CHSY1: variants seen among roughly 807,000 people sequenced by gnomAD.
The protein encoded by CHSY1 is N-acetylgalactosaminyl-proteoglycan 3-beta-glucuronosyltransferase 1.
CHSY1 carries 13 observed loss-of-function variants against 59.8 expected under a neutral mutation model. The ratio of observed to expected loss-of-function variants is 0.22; its 90% CI spans 0.14 to 0.35. CHSY1 has a LOEUF of 0.35. Among genes scored for constraint, CHSY1 ranks in the 10% least tolerant of loss-of-function variants. CHSY1 has a pLI of 1.00. For missense variants in CHSY1, 947 were observed against 1,030.6 expected, an observed-to-expected ratio of 0.92 and a Z score of 1.11; for synonymous variants, 459 against 401.2, an observed-to-expected ratio of 1.14 and a Z score of -1.72.
intron 2 of CHSY1, among the ~76,000 whole-genome samples, chr15:101,196,142 C>T (rs771281728): frequency 2.0e-4 from 30 of 148,642 alleles, no homozygotes; most frequent in African/African-American, 7.2e-4. Flanking sequence ...CCAGCTGAGG[C>T]GGAAGAATGA....
chr15:101,231,885 T>C (rs2038896204), intron 2 of CHSY1, among the ~76,000 whole-genome samples: 1 of 152,180 alleles, frequency 6.6e-6, no homozygotes, highest in Non-Finnish European at 1.5e-5. Flanking sequence ...CTGAGTTGAG[T>C]CAATATTGCT....
At chr15:101,244,833 T>A (rs1417308530) in intron 1 of CHSY1, among the ~76,000 whole-genome samples, 1 of 152,234 alleles carries the variant, frequency 6.6e-6, no homozygotes, top group Non-Finnish European at 1.5e-5. Flanking sequence ...ATGAATCAGT[T>A]AAGTCAATTT....
intron 1 of CHSY1, among the ~76,000 whole-genome samples, chr15:101,248,165 G>A (rs1244648079): frequency 1.3e-5 from 2 of 152,172 alleles, no homozygotes; most frequent in African/African-American, 4.8e-5. Context: ...TGTGCTAGAA[G>A]AGTCAAGCTT....
In CHSY1 at chr15:101,251,165, G is replaced by A. The variant is rs1254681785; in HGVS notation, c.292C>T (p.Leu98=). The change falls in exon 1 of 3, where the codon CTG becomes TTG. Residue 98 remains leucine (L), a synonymous_variant. Coordinates refer to ENST00000254190, the MANE Select transcript of CHSY1 (RefSeq NM_014918.5). ...FVGVMTAQKY[L]QTRAVAAYRT... Reference sequence around the variant, plus strand: ...TAGGCGGCCACGGCCCGAGTCTGCAGGTATTTCTGGGCGGTCATGACTCCC... The same window carrying A: ...TAGGCGGCCACGGCCCGAGTCTGCAAGTATTTCTGGGCGGTCATGACTCCC... 6.3e-7 allele frequency: 1 copy of A among 1,596,806 alleles called. No individual in the cohort carries two copies. Among genetic ancestry groups the A allele is most frequent in the Non-Finnish European group, 8.5e-7 (1 of 1,175,118 alleles).
At chr15:101,189,049 T>G (rs530191324) in intron 2 of CHSY1, among the ~76,000 whole-genome samples, 12 of 152,334 alleles carry the variant, frequency 7.9e-5, no homozygotes, top group Non-Finnish European at 1.8e-4. Flanking sequence ...GCACTCAATA[T>G]TTACTGAACG....
At chr15:101,218,758 A>C (rs1056881387) in intron 2 of CHSY1, among the ~76,000 whole-genome samples, 29 of 152,204 alleles carry the variant, frequency 1.9e-4, no homozygotes, top group Non-Finnish European at 3.4e-4. Context: ...CTGCCTCAAA[A>C]ACAAACCCCT....
chr15:101,243,149 G>A (rs1296422148), intron 1 of CHSY1, among the ~76,000 whole-genome samples: 1 of 152,102 alleles, frequency 6.6e-6, no homozygotes, highest in Non-Finnish European at 1.5e-5. Context: ...TAAGAGCTAC[G>A]AGGAGCCCGC....
intron 2 of CHSY1, among the ~76,000 whole-genome samples, chr15:101,201,468 A>G (rs2038573721): frequency 6.6e-6 from 1 of 152,228 alleles, no homozygotes; most frequent in Admixed American, 6.5e-5. Flanking sequence ...GAGGAAGCCA[A>G]TGAGCCCGCC....
At chr15:101,219,361 G>A (rs2038766170) in intron 2 of CHSY1, among the ~76,000 whole-genome samples, 1 of 152,218 alleles carries the variant, frequency 6.6e-6, no homozygotes, top group African/African-American at 2.4e-5. Flanking sequence ...TTGATGGACT[G>A]CAGACGACAA....
In CHSY1 at chr15:101,251,314, C is replaced by T; in HGVS notation, c.143G>A (p.Cys48Tyr). Residue 48 changes from cysteine to tyrosine, a missense_variant, in exon 1 of 3, where the codon TGC (cysteine) becomes TAC (tyrosine). Around this residue, in one of 4 missense-constraint regions of CHSY1, gnomAD observed 232 missense variants for 188.5 expected, o/e 1.23. Transcript: ENST00000254190. ...GPRRRASPEG[C>Y]RSGQAAASQA... ...GGAAGCCGCCGCCTGCCCGGACCGG[C>T]AGCCCTCGGGGCTGGCGCGGCGCCG... 3 of 1,139,480 alleles carry T rather than the reference C, an allele frequency of 2.6e-6. No individual in the cohort carries two copies. Among genetic ancestry groups the T allele is most frequent in the Non-Finnish European group, 3.2e-6 (3 of 929,606 alleles). 70.6% of individuals were successfully genotyped at this position (1,139,480 alleles called of 1,614,324 possible). A position where few individuals can be genotyped will look rare whatever the true frequency, so the allele number is the denominator to read the frequency against.
chr15:101,228,201 T>C (rs1371033948), intron 2 of CHSY1, among the ~76,000 whole-genome samples: 1 of 151,726 alleles, frequency 6.6e-6, no homozygotes, highest in African/African-American at 2.4e-5. Context: ...AAGTAGGCCA[T>C]TGCAATTATC....
Position 101,235,109 on chromosome 15 carries a change from T to C in CHSY1, c.789A>G (p.Ala263=), listed in dbSNP as rs149315848. 41 of 1,614,122 alleles carry C rather than the reference T, an allele frequency of 2.5e-5. No homozygotes were observed. The highest frequency in any genetic ancestry group is 3.4e-5 in the Non-Finnish European group (40 of 1,180,040). Residue 263 remains alanine (A), a synonymous_variant, in exon 2 of 3, where the codon GCA becomes GCG. Coordinates refer to ENST00000254190, the MANE Select transcript of CHSY1 (RefSeq NM_014918.5). ...VEVGRCVRRF[A]GVQCVWSYEM... ...CATAAGACCAGACACACTGCACCCC[T>C]GCAAACCTCCGGACACACCTTCCCA...
At chr15:101,199,273 G>T (rs1055624101) in intron 2 of CHSY1, among the ~76,000 whole-genome samples, 1 of 152,222 alleles carries the variant, frequency 6.6e-6, no homozygotes, top group Non-Finnish European at 1.5e-5. Context: ...GGAGGCCGAG[G>T]TGGGTGGATC....
At chr15:101,180,465 G>A (rs983022650) in intron 2 of CHSY1, among the ~76,000 whole-genome samples, 33 of 152,150 alleles carry the variant, frequency 2.2e-4, no homozygotes, top group African/African-American at 8.0e-4. Flanking sequence ...ATTAGAAAAG[G>A]TGGTGAGGTT....
chr15:101,200,352 G>T (rs1448578075), intron 2 of CHSY1, among the ~76,000 whole-genome samples: 2 of 152,170 alleles, frequency 1.3e-5, no homozygotes, highest in Non-Finnish European at 1.5e-5. Context: ...AACACAACGC[G>T]AAGAAGACAC....
At chr15:101,209,228 C>T (rs1203709143) in intron 2 of CHSY1, among the ~76,000 whole-genome samples, 1 of 152,158 alleles carries the variant, frequency 6.6e-6, no homozygotes, top group Non-Finnish European at 1.5e-5. Context: ...AACACAGCAA[C>T]GCTTCTGTAG....
At chr15:101,250,775 A>C (rs964962248) in intron 1 of CHSY1, among the ~76,000 whole-genome samples, 1 of 152,208 alleles carries the variant, frequency 6.6e-6, no homozygotes, top group African/African-American at 2.4e-5. Flanking sequence ...AACTGCCTCC[A>C]CTATCAGGTA....
intron 2 of CHSY1, among the ~76,000 whole-genome samples, chr15:101,221,473 T>TCTCTCTCTCTCC (rs1023247290): frequency 5.3e-5 from 8 of 151,956 alleles, no homozygotes; most frequent in African/African-American, 1.9e-4. Flanking sequence ...GTTGAGAGTG[T>TCTCTCTCTCTCC]CTCTCTCTCT....
intron 2 of CHSY1, among the ~76,000 whole-genome samples, chr15:101,189,869 T>C (rs570860069): frequency 5.4e-4 from 83 of 152,348 alleles, no homozygotes; most frequent in African/African-American, 1.9e-3. Flanking sequence ...GACAGCACAG[T>C]GGCGCTGTGG....
Sources: gnomAD v4.1 joint callset for allele counts (sites outside exome capture counted in the v4.1 genomes callset) on GRCh38, gnomAD v4.1.1 for gene constraint, gnomAD v4.1.1 regional missense constraint, MANE v1.5 for transcripts, NCBI Gene and HGNC (gene_info 2026-07-23, HGNC 2026-07-21) for gene names.